Variants in SRGAP3 observed in about 807,000 individuals in gnomAD.
SRGAP3 encodes the protein SLIT-ROBO Rho GTPase-activating protein 3.
A neutral mutation model predicts 121.1 loss-of-function variants in SRGAP3; 39 were observed. The observed-to-expected ratio is 0.32, with a 90% CI of 0.25 to 0.42. SRGAP3 has a LOEUF of 0.42. Among genes scored for constraint, SRGAP3 ranks in the 10% least tolerant of loss-of-function variants. The pLI, the probability that SRGAP3 is intolerant of heterozygous loss-of-function variation, is 1.00. For missense variants in SRGAP3, 1,213 were observed against 1,470.6 expected (o/e 0.82, Z 2.86); for synonymous variants, 601 against 570.0 (o/e 1.05, Z -0.77).
rs1263048351 is a variant in SRGAP3 at position 9,239,132 on chromosome 3, C to A, written c.67+9753G>T. Among the ~76,000 whole-genome samples the A allele has an allele frequency of 2.0e-5, 3 of 152,166 alleles. No individual in the cohort carries two copies. The highest frequency in any genetic ancestry group is 7.2e-5 in the African/African-American group (3 of 41,444). ...CAGTGGCTCACACCTATAATCCCAG[C>A]ATTTTGGGAGGCCAAGGTGGGAGGA... On this transcript the variant is annotated intron_variant, in intron 1 of 21. Coordinates refer to ENST00000383836, the MANE Select transcript of SRGAP3 (RefSeq NM_014850.4). This position sits in a 1 kb window ranked among gnomAD's most constrained non-coding sequence, Gnocchi z 4.0.
At chr3:9,092,754 A>G (rs1380352720) in intron 3 of SRGAP3, among the ~76,000 whole-genome samples, 2 of 152,182 alleles carry the variant, frequency 1.3e-5, no homozygotes, top group African/African-American at 4.8e-5. Context: ...ATCATCATAA[A>G]TGTCAGATAA....
intron 3 of SRGAP3, among the ~76,000 whole-genome samples, chr3:9,104,243 G>A (rs996084549): frequency 6.6e-6 from 1 of 152,140 alleles, no homozygotes; most frequent in Non-Finnish European, 1.5e-5. Flanking sequence ...AAATGCATGT[G>A]TACACTAGAA....
At chr3:9,232,288 T>A (rs1022391074) in intron 1 of SRGAP3, among the ~76,000 whole-genome samples, 4 of 152,160 alleles carry the variant, frequency 2.6e-5, no homozygotes, top group African/African-American at 7.2e-5. Flanking sequence ...TACTGTCAAC[T>A]TCGTGGAATT....
intron 1 of SRGAP3, among the ~76,000 whole-genome samples, chr3:9,243,168 A>ATT (rs1953708771): frequency 6.6e-6 from 1 of 152,186 alleles, no homozygotes; most frequent in Admixed American, 6.5e-5. Context: ...GGGACCACTA[A>ATT]TTCTGCCTAG....
In SRGAP3 at chr3:8,999,713, T is replaced by A. The variant is rs140983738; in HGVS notation, c.2228-5190A>T. Among the ~76,000 whole-genome samples the A allele has an allele frequency of 5.9e-3, 893 of 152,286 alleles. 23 individuals are homozygous for A. The highest frequency in any genetic ancestry group is 0.046 in the Admixed American group (705 of 15,294). Reference sequence around the variant, plus strand: ...AGCCAGGGCCTGTTTACAGGGTCCCTCTTTTCTCCCCTTCTCACTCATGAC... The same window carrying A: ...AGCCAGGGCCTGTTTACAGGGTCCCACTTTTCTCCCCTTCTCACTCATGAC... On this transcript the variant is annotated intron_variant, in intron 18 of 21. Transcript: ENST00000383836.
intron 4 of SRGAP3, among the ~76,000 whole-genome samples, chr3:9,068,603 G>C (rs1012839243): frequency 5.3e-5 from 8 of 152,156 alleles, no homozygotes; most frequent in African/African-American, 1.2e-4. Flanking sequence ...TCACCTGGAA[G>C]TTTCTCCAAA....
Position 9,109,869 on chromosome 3 carries a change from G to A in SRGAP3, c.261-5027C>T, listed in dbSNP as rs183274519. ...GCCCAGGGAGGAGCAGGAGAGGGAG[G>A]AGCAGGTAGGGAGGGGGCCCAAGCA... On this transcript the variant is annotated intron_variant, in intron 2 of 21. Coordinates refer to ENST00000383836, the MANE Select transcript of SRGAP3 (RefSeq NM_014850.4). This position sits in a 1 kb window ranked among gnomAD's most constrained non-coding sequence, Gnocchi z 4.4. Among the ~76,000 whole-genome samples the A allele has an allele frequency of 4.5e-4, 68 of 152,250 alleles. No homozygotes were observed. The highest frequency in any genetic ancestry group is 1.5e-3 in the African/African-American group (64 of 41,554).
At chr3:9,228,123 G>A (rs1222191568) in intron 1 of SRGAP3, among the ~76,000 whole-genome samples, 3 of 152,048 alleles carry the variant, frequency 2.0e-5, no homozygotes, top group Admixed American at 2.0e-4. Context: ...TAGAAACCAG[G>A]CAGGTTAGGC....
chr3:9,276,910 T>G (rs1335208617), intron 3 of SRGAP3, among the ~76,000 whole-genome samples: 1 of 152,236 alleles, frequency 6.6e-6, no homozygotes, highest in Non-Finnish European at 1.5e-5. Context: ...GCACTTACCC[T>G]GCGCTCAGCA....
chr3:9,255,995 C>A (rs1043045701), intron 3 of SRGAP3, among the ~76,000 whole-genome samples: 2 of 152,162 alleles, frequency 1.3e-5, no homozygotes, highest in Admixed American at 1.3e-4. Flanking sequence ...ATCAAGTCAC[C>A]TGACCCTGCA....
intron 3 of SRGAP3, among the ~76,000 whole-genome samples, chr3:9,296,135 C>T (rs1003190366): frequency 6.6e-6 from 1 of 152,164 alleles, no homozygotes; most frequent in Non-Finnish European, 1.5e-5. Flanking sequence ...TTCATACTTT[C>T]AGTTCTTTTG....
chr3:9,276,467 C>T (rs1310912453), intron 3 of SRGAP3, among the ~76,000 whole-genome samples: 1 of 151,692 alleles, frequency 6.6e-6, no homozygotes, highest in Non-Finnish European at 1.5e-5. Context: ...CCACTGTCGC[C>T]CAGGCTGAAG....
intron 1 of SRGAP3, among the ~76,000 whole-genome samples, chr3:9,215,697 T>G (rs1442478956): frequency 6.6e-6 from 1 of 152,232 alleles, no homozygotes; most frequent in African/African-American, 2.4e-5. Context: ...AAAGGCACAC[T>G]GCTTCTCTCT....
intron 3 of SRGAP3, among the ~76,000 whole-genome samples, chr3:9,283,473 C>T (rs1401665795): frequency 6.6e-6 from 1 of 152,202 alleles, no homozygotes; most frequent in Non-Finnish European, 1.5e-5. Context: ...CATTCACTAA[C>T]ATCACCACCA....
upstream of SRGAP3, among the ~76,000 whole-genome samples, chr3:9,252,587 C>G (rs1954042490): frequency 6.6e-6 from 1 of 152,152 alleles, no homozygotes; most frequent in African/African-American, 2.4e-5. Flanking sequence ...TCTGTGTCCC[C>G]TGAAAAATCC....
At chr3:9,123,397 A>ATATATATATAT (rs764680440) in intron 2 of SRGAP3, among the ~76,000 whole-genome samples, 1 of 89,166 alleles carries the variant, frequency 1.1e-5, no homozygotes, top group African/African-American at 3.8e-5. Flanking sequence ...ATACATACAC[A>ATATATATATAT]ATACACATAC....
chr3:9,128,879 C>G (rs1462755358), intron 1 of SRGAP3, among the ~76,000 whole-genome samples: 1 of 151,990 alleles, frequency 6.6e-6, no homozygotes, highest in African/African-American at 2.4e-5. Context: ...TGATAGAGGT[C>G]GGAAAAGTGG....
intron 1 of SRGAP3, among the ~76,000 whole-genome samples, chr3:9,352,526 G>A (rs773455179): frequency 1.1e-4 from 16 of 152,056 alleles, no homozygotes; most frequent in Non-Finnish European, 2.4e-4. Flanking sequence ...CACCCACCTC[G>A]GCCTCCCAAA....
chr3:9,157,055 G>T (rs191689555), intron 1 of SRGAP3, among the ~76,000 whole-genome samples: 1 of 152,244 alleles, frequency 6.6e-6, no homozygotes, highest in Non-Finnish European at 1.5e-5. Flanking sequence ...TATGTTTCTT[G>T]AGCATAATGA....
Sources: allele counts gnomAD v4.1 joint callset (sites outside exome capture counted in the v4.1 genomes callset), GRCh38; gene constraint gnomAD v4.1.1; non-coding constraint Gnocchi (gnomAD v3.1); transcripts MANE v1.5; gene names NCBI Gene and HGNC (gene_info 2026-07-23, HGNC 2026-07-21).